Variants in NPIPB2 observed in about 807,000 individuals in gnomAD.
NPIPB2 encodes nuclear pore complex-interacting protein family member B2.
A neutral mutation model predicts 30.8 loss-of-function variants in NPIPB2; 27 were observed. The observed-to-expected ratio is 0.88, with a 90% CI of 0.65 to 1.21. The LOEUF (loss-of-function observed/expected upper bound fraction) is 1.21, where lower values mean the gene tolerates loss of function less well. NPIPB2 is among the 50% of genes most tolerant of loss of function. The probability of loss-of-function intolerance (pLI) is 0.00; values close to 1 mark genes in which losing one functional copy is unlikely to be tolerated. For synonymous variants in NPIPB2, 147 were observed against 162.0 expected, an observed-to-expected ratio of 0.91 and a Z score of 0.70; for missense variants, 440 against 446.2, an observed-to-expected ratio of 0.99 and a Z score of 0.13.
intron 1 of NPIPB2, among the ~76,000 whole-genome samples, chr16:11,954,769 G>A: frequency 6.6e-6 from 1 of 151,738 alleles, no homozygotes; most frequent in South Asian, 2.1e-4. Flanking sequence ...TTAGCCAGGT[G>A]TGGTGGCAGG....
rs1448444782 is a variant in NPIPB2, at chr16:11,933,658, T to A, written c.347A>T (p.Asn116Ile). The change falls in exon 4 of 8, where the codon AAT becomes ATT. Residue 116 changes from asparagine (N) to isoleucine (I), a missense_variant. Physicochemically the swap from Asn to Ile is moderately radical, Grantham distance 149. Around this residue, in one of 3 missense-constraint regions of NPIPB2, gnomAD observed 252 missense variants for 233.0 expected, o/e 1.08. Transcript: ENST00000399147. ...AATGACGTCTTTCAGGCCAATTTTA[T>A]TTCCTGGAAAGGAAGAAACTCTTTT... 5 of 1,596,804 alleles carry A rather than the reference T, an allele frequency of 3.1e-6. No individual in the cohort carries two copies. In the African/African-American group the frequency reaches 6.7e-5, roughly 21 times the overall value.
chr16:11,969,932 C>T (rs2055225434), intron 1 of NPIPB2, among the ~76,000 whole-genome samples: 1 of 71,594 alleles, frequency 1.4e-5, no homozygotes. Context: ...CATCTTGGCT[C>T]ACTGCAACCT....
At chr16:11,949,094 A>G (rs1377183692) in intron 1 of NPIPB2, among the ~76,000 whole-genome samples, 1 of 151,798 alleles carries the variant, frequency 6.6e-6, no homozygotes, top group Admixed American at 6.6e-5. Flanking sequence ...GGCTGCTGTG[A>G]GCCATGATGC....
At chr16:11,965,018 C>T (rs747075579) in intron 1 of NPIPB2, 68 of 406,422 alleles carry the variant, frequency 1.7e-4, no homozygotes, top group Non-Finnish European at 2.9e-4. Flanking sequence ...GCAACTGTCA[C>T]CTGGCTGAGA....
intron 4 of NPIPB2, 37 bp downstream of exon 4, chr16:11,933,480 G>T: frequency 6.3e-7 from 1 of 1,596,288 alleles, no homozygotes; most frequent in Non-Finnish European, 8.5e-7. Flanking sequence ...TTGGCACATG[G>T]TTCATACAAC....
At chr16:11,947,921 C>A (rs541814137) in intron 1 of NPIPB2, among the ~76,000 whole-genome samples, 12 of 149,772 alleles carry the variant, frequency 8.0e-5, no homozygotes, top group African/African-American at 2.5e-4. Flanking sequence ...ATTACCTAAT[C>A]AAAAAATCAG....
At chr16:11,947,889 A>G (rs2055027289) in intron 1 of NPIPB2, among the ~76,000 whole-genome samples, 4 of 150,958 alleles carry the variant, frequency 2.6e-5, no homozygotes. Flanking sequence ...CCCGTGAAGC[A>G]TGTGGGCTGT....
intron 1 of NPIPB2, among the ~76,000 whole-genome samples, chr16:11,958,441 AAT>A (rs2055131650): frequency 6.6e-6 from 1 of 151,708 alleles, no homozygotes; most frequent in African/African-American, 2.4e-5. Flanking sequence ...AAAAAAAAAA[AAT>A]CCTAGGCCAG....
At chr16:11,959,937 G>A (rs1003293031) in intron 1 of NPIPB2, among the ~76,000 whole-genome samples, 1 of 151,946 alleles carries the variant, frequency 6.6e-6, no homozygotes, top group African/African-American at 2.4e-5. Context: ...TACCACACCT[G>A]GCTAATTTTT....
chr16:11,956,438 G>A (rs1037915997), intron 1 of NPIPB2, among the ~76,000 whole-genome samples: 3 of 152,186 alleles, frequency 2.0e-5, no homozygotes, highest in African/African-American at 7.2e-5. Flanking sequence ...CGCTTTGGGA[G>A]GCTGAGGCGG....
At chr16:11,939,154 T>A (rs1268360809) in intron 1 of NPIPB2, among the ~76,000 whole-genome samples, 5 of 152,088 alleles carry the variant, frequency 3.3e-5, no homozygotes, top group Non-Finnish European at 7.4e-5. Context: ...AAATAATACT[T>A]CTCTCTTGGA....
chr16:11,935,608 C>G (rs1417720791), intron 2 of NPIPB2, among the ~76,000 whole-genome samples: 3 of 152,102 alleles, frequency 2.0e-5, no homozygotes, highest in Non-Finnish European at 2.9e-5. Context: ...GCCACCACAT[C>G]TGGCCTGAAA....
At chr16:11,971,915 G>A (rs1285021303) in intron 1 of NPIPB2, among the ~76,000 whole-genome samples, 4 of 152,080 alleles carry the variant, frequency 2.6e-5, no homozygotes, top group South Asian at 2.1e-4. Context: ...GGGAGGCTGA[G>A]GTGGGTGGAT....
exon 3 of NPIPB2, chr16:11,933,852 T>C: frequency 1.9e-6 from 3 of 1,577,906 alleles, no homozygotes; most frequent in Non-Finnish European, 2.6e-6. Context: ...TTGGACCTCC[T>C]GGCTCTCTGC....
chr16:11,933,426 A>C (rs2054817695), intron 4 of NPIPB2, 91 bp downstream of exon 4: 1 of 1,566,386 alleles, frequency 6.4e-7, no homozygotes, highest in South Asian at 1.1e-5. Flanking sequence ...TGCCACAAAT[A>C]TTGTAGAAAA....
At chr16:11,967,576 G>T in intron 1 of NPIPB2, 3 of 1,611,798 alleles carry the variant, frequency 1.9e-6, no homozygotes, top group Non-Finnish European at 2.5e-6. Context: ...TTAGGATCAG[G>T]TCTCCTGGGC....
At chr16:11,969,554 CT>C (rs1176246046) in intron 1 of NPIPB2, among the ~76,000 whole-genome samples, 1 of 152,224 alleles carries the variant, frequency 6.6e-6, no homozygotes, top group African/African-American at 2.4e-5. Context: ...TGTGCCTGGC[CT>C]TTTCTCTTTA....
At chr16:11,937,797 G>A (rs985670204) in intron 1 of NPIPB2, 129 bp from the exon 2 acceptor site, 125 of 1,434,164 alleles carry the variant, frequency 8.7e-5, no homozygotes, top group Non-Finnish European at 1.1e-4. Context: ...ATCACCGTGG[G>A]ATTCCACTGT....
At chr16:11,944,569 C>A (rs542722219), upstream of NPIPB2, among the ~76,000 whole-genome samples, 1 of 150,562 alleles carries the variant, frequency 6.6e-6, no homozygotes, top group Admixed American at 6.6e-5. Flanking sequence ...TTAAGACCAG[C>A]CTGACCAACA....
Sources: allele counts gnomAD v4.1 joint callset (sites outside exome capture counted in the v4.1 genomes callset), GRCh38; gene constraint gnomAD v4.1.1; regional missense constraint gnomAD v4.1.1; transcripts MANE v1.5; gene names NCBI Gene and HGNC (gene_info 2026-07-23, HGNC 2026-07-21).